SH3PXD2A: variants seen among roughly 807,000 people sequenced by gnomAD.
SH3PXD2A encodes SH3 and PX domain-containing protein 2A.
Under a neutral mutation model 115.2 loss-of-function variants are expected in SH3PXD2A, and 32 were observed. The observed-to-expected ratio is 0.28, with a 90% CI of 0.21 to 0.37. The LOEUF is 0.37. Ranked by LOEUF, SH3PXD2A falls within the 10% of genes least tolerant of loss-of-function variation. The pLI, the probability that SH3PXD2A is intolerant of heterozygous loss-of-function variation, is 1.00. For missense variants in SH3PXD2A, 1,328 were observed against 1,498.7 expected, an observed-to-expected ratio of 0.89 and a Z score of 1.88; for synonymous variants, 610 against 629.1, an observed-to-expected ratio of 0.97 and a Z score of 0.45.
At chr10:103,757,623 C>T (rs2038656815) in intron 3 of SH3PXD2A, among the ~76,000 whole-genome samples, 1 of 152,116 alleles carries the variant, frequency 6.6e-6, no homozygotes, top group Non-Finnish European at 1.5e-5. Flanking sequence ...GACTGATCTA[C>T]ATTTCAAAAG....
At chr10:103,783,107 G>C (rs1273636583) in intron 2 of SH3PXD2A, among the ~76,000 whole-genome samples, 2 of 152,200 alleles carry the variant, frequency 1.3e-5, no homozygotes, top group African/African-American at 4.8e-5. Flanking sequence ...AAGCGAGCGA[G>C]CTGGGGTGCT....
intron 6 of SH3PXD2A, among the ~76,000 whole-genome samples, chr10:103,682,140 T>C (rs1228429006): frequency 6.6e-6 from 1 of 152,214 alleles, no homozygotes; most frequent in Non-Finnish European, 1.5e-5. Flanking sequence ...GCTGAGGGAA[T>C]TGAGGCTTCC....
At chr10:103,776,811 G>A (rs1281041647) in intron 2 of SH3PXD2A, among the ~76,000 whole-genome samples, 1 of 152,134 alleles carries the variant, frequency 6.6e-6, no homozygotes, top group Non-Finnish European at 1.5e-5. Context: ...CCTACTCCCG[G>A]ATGATCTCAA....
At chr10:103,807,391 G>A (rs1429943689) in intron 1 of SH3PXD2A, among the ~76,000 whole-genome samples, 1 of 152,184 alleles carries the variant, frequency 6.6e-6, no homozygotes, top group Non-Finnish European at 1.5e-5. Flanking sequence ...ATTTACTGAG[G>A]AAGGCCTTAC....
intron 5 of SH3PXD2A, among the ~76,000 whole-genome samples, chr10:103,701,349 C>CCCAT (rs2037900108): frequency 6.8e-6 from 1 of 146,668 alleles, no homozygotes; most frequent in African/African-American, 2.5e-5. Flanking sequence ...CATCCATCCA[C>CCCAT]CATCCACCCA....
At chr10:103,710,110 C>T (rs2038030179) in intron 5 of SH3PXD2A, among the ~76,000 whole-genome samples, 1 of 138,194 alleles carries the variant, frequency 7.2e-6, no homozygotes, top group Non-Finnish European at 1.5e-5. Context: ...AAAAAAAAGT[C>T]CTCTGGGCAC....
rs187141913 is a variant in SH3PXD2A, at chr10:103,811,576, T to C, written c.73-10214A>G. ...GAAGCTCAGATTCAAATGCAGCCATTCACTCTATATCCTGAACTCTTTGTC... is the reference window on the plus strand; with the variant it reads ...GAAGCTCAGATTCAAATGCAGCCATCCACTCTATATCCTGAACTCTTTGTC... On this transcript the variant is annotated intron_variant, in intron 1 of 14. Coordinates refer to ENST00000369774, the MANE Select transcript of SH3PXD2A (RefSeq NM_001394015.1). Among the ~76,000 whole-genome samples the C allele has an allele frequency of 2.5e-3, 378 of 152,324 alleles. 4 individuals are homozygous for C. Among genetic ancestry groups the C allele is most frequent in the African/African-American group, 8.9e-3 (369 of 41,562 alleles).
At chr10:103,617,876 C>T (rs1309111307) in intron 10 of SH3PXD2A, among the ~76,000 whole-genome samples, 1 of 152,200 alleles carries the variant, frequency 6.6e-6, no homozygotes, top group Non-Finnish European at 1.5e-5. Context: ...CCTGAGCACC[C>T]ACTTCATCCA....
rs80071475 is a variant in SH3PXD2A, at chr10:103,668,354, C to T, written c.472+254G>A. The stretch of plus-strand genomic sequence containing the variant: ...GCCAGGACGTAGCAGAGCTGGAATT[C>T]AGACCCACACACCCTGGGTCCAGAG... On this transcript the variant is annotated intron_variant, in intron 7 of 14. Transcript: ENST00000369774. Among the ~76,000 whole-genome samples the T allele has an allele frequency of 2.4e-3, 364 of 152,392 alleles. 2 individuals carry two copies. The highest frequency in any genetic ancestry group is 8.5e-3 in the African/African-American group (352 of 41,596).
At chr10:103,804,248 G>C (rs1242066092) in intron 1 of SH3PXD2A, among the ~76,000 whole-genome samples, 4 of 151,826 alleles carry the variant, frequency 2.6e-5, no homozygotes, top group Admixed American at 2.0e-4. Flanking sequence ...GGGTGCCCGG[G>C]CTGAGGAGGG....
intron 8 of SH3PXD2A, among the ~76,000 whole-genome samples, chr10:103,656,751 C>A (rs2037217958): frequency 6.7e-6 from 1 of 149,978 alleles, no homozygotes; most frequent in Admixed American, 6.7e-5. Flanking sequence ...ATCGCTTGAC[C>A]CAGGAGGTGG....
intron 4 of SH3PXD2A, among the ~76,000 whole-genome samples, chr10:103,731,855 G>C (rs2038323559): frequency 6.6e-6 from 1 of 152,174 alleles, no homozygotes; most frequent in African/African-American, 2.4e-5. Context: ...ATGAGTCTGG[G>C]AAGTGCAGAG....
chr10:103,650,699 C>G (rs1049939569), intron 8 of SH3PXD2A, among the ~76,000 whole-genome samples: 6 of 152,160 alleles, frequency 3.9e-5, no homozygotes, highest in African/African-American at 1.4e-4. Context: ...TGTCTCTGAG[C>G]AAACTTGACA....
At chr10:103,661,778 A>C in intron 7 of SH3PXD2A, 1 of 985,256 alleles carries the variant, frequency 1.0e-6, no homozygotes, top group Non-Finnish European at 1.2e-6. Context: ...GCAACCCTTA[A>C]ATAGAAACAC....
chr10:103,660,935 G>A (rs1365237592), intron 8 of SH3PXD2A, 48 bp downstream of exon 8: 2 of 1,606,572 alleles, frequency 1.2e-6, no homozygotes, highest in South Asian at 2.2e-5. Flanking sequence ...GCTCGGCCCG[G>A]GGGCCAGACC....
chr10:103,623,872 C>T (rs2036649008), intron 9 of SH3PXD2A, among the ~76,000 whole-genome samples: 1 of 152,222 alleles, frequency 6.6e-6, no homozygotes, highest in Admixed American at 6.5e-5. Context: ...GGCTTCTCTG[C>T]AGAGATGAAG....
In SH3PXD2A at chr10:103,839,486, C is replaced by A. The variant is rs114080697; in HGVS notation, c.72+15709G>T. 3.1e-3 allele frequency among the ~76,000 whole-genome samples: 478 copies of A among 152,286 alleles called. 3 individuals are homozygous for A. Among genetic ancestry groups the A allele is most frequent in the African/African-American group, 0.011 (465 of 41,536 alleles). On this transcript the variant is annotated intron_variant, in intron 1 of 14. Transcript: ENST00000369774. ...TTTACGTTAATTAACCCGTGCCATC[C>A]TCATCACCAGCCTGAGAGATGCTTT...
chr10:103,794,319 A>T (rs2039065801), intron 2 of SH3PXD2A, among the ~76,000 whole-genome samples: 1 of 152,216 alleles, frequency 6.6e-6, no homozygotes, highest in Non-Finnish European at 1.5e-5. Flanking sequence ...TGCAGGGGAA[A>T]ATAAAGGGCC....
At chr10:103,785,232 C>T (rs978743930) in intron 2 of SH3PXD2A, among the ~76,000 whole-genome samples, 1 of 152,232 alleles carries the variant, frequency 6.6e-6, no homozygotes, top group Non-Finnish European at 1.5e-5. Flanking sequence ...TGGGCACCTG[C>T]CCACTGCTCA....
Sources: gnomAD v4.1 joint callset for allele counts (sites outside exome capture counted in the v4.1 genomes callset) on GRCh38, gnomAD v4.1.1 for gene constraint, MANE v1.5 for transcripts, NCBI Gene and HGNC (gene_info 2026-07-23, HGNC 2026-07-21) for gene names.